Variants in B3GLCT observed in about 807,000 individuals in gnomAD.
B3GLCT encodes the protein beta 3-glucosyltransferase.
A neutral mutation model predicts 63.4 loss-of-function variants in B3GLCT; 65 were observed. The ratio of observed to expected loss-of-function variants is 1.03; its 90% confidence interval spans 0.84 to 1.26. B3GLCT has a LOEUF of 1.26. B3GLCT is among the 50% of genes most tolerant of loss of function. B3GLCT has a pLI of 0.00. For missense variants in B3GLCT, 577 were observed against 604.8 expected (o/e 0.95, Z 0.48); for synonymous variants, 233 against 219.2 (o/e 1.06, Z -0.55).
In B3GLCT at chr13:31,200,492, C is replaced by T. The variant is rs530869561; in HGVS notation, c.70+338C>T. Among the ~76,000 whole-genome samples, 7 of 150,264 alleles carry T rather than the reference C, an allele frequency of 4.7e-5. No individual in the cohort carries two copies. In the South Asian group the frequency reaches 1.4e-3, roughly 31 times the overall value. Reference sequence around the variant, plus strand: ...GGCGAGGGCGCAGCAGCCGCCCCCACAGGAAGCGCGCAGGAACTGTGCCAC... The same window carrying T: ...GGCGAGGGCGCAGCAGCCGCCCCCATAGGAAGCGCGCAGGAACTGTGCCAC... On this transcript the variant is annotated intron_variant, in intron 1 of 14. Coordinates refer to ENST00000343307, the MANE Select transcript of B3GLCT (RefSeq NM_194318.4).
chr13:31,278,131 G>C (rs933459642), intron 10 of B3GLCT, among the ~76,000 whole-genome samples: 5 of 152,066 alleles, frequency 3.3e-5, no homozygotes, highest in African/African-American at 1.2e-4. Context: ...GCTACACTTG[G>C]AGTAGTGATT....
intron 1 of B3GLCT, among the ~76,000 whole-genome samples, chr13:31,202,262 C>T (rs1292666126): frequency 6.6e-6 from 1 of 152,014 alleles, no homozygotes; most frequent in Non-Finnish European, 1.5e-5. Flanking sequence ...TCTTTTAAAC[C>T]CACATGCATA....
At chr13:31,201,402 GTAAT>G (rs796432490) in intron 1 of B3GLCT, among the ~76,000 whole-genome samples, 74 of 152,328 alleles carry the variant, frequency 4.9e-4, no homozygotes, top group African/African-American at 1.7e-3. Flanking sequence ...AGGCAGCAGT[GTAAT>G]TAAAAATATT....
At position 31,200,144 on chromosome 13, in the gene B3GLCT, C is replaced by A; in HGVS notation, c.60C>A (p.Thr20=). 7.4e-7 allele frequency: 1 copy of A among 1,358,408 alleles called. No individual in the cohort carries two copies. The highest frequency in any genetic ancestry group is 9.6e-7 in the Non-Finnish European group (1 of 1,045,200). 84.1% of individuals were successfully genotyped at this position (1,358,408 alleles called of 1,614,324 possible). The change falls in exon 1 of 15, where the codon ACC becomes ACA. Residue 20 remains threonine, a synonymous_variant. Transcript: ENST00000343307. ...LAPPALLALL[T]CSLAFGLASE... ...CGCCGGCGCTGCTCGCGCTCCTCAC[C>A]TGCTCCCTGGGTAAGTAGCGGGCGG...
chr13:31,240,720 T>C (rs1870899129), intron 4 of B3GLCT, among the ~76,000 whole-genome samples: 1 of 152,174 alleles, frequency 6.6e-6, no homozygotes, highest in Admixed American at 6.5e-5. Flanking sequence ...AACTTTTCTT[T>C]TGAAGTGAAA....
In B3GLCT at chr13:31,200,011, C is replaced by T. The variant is rs1390885964; in HGVS notation, c.-74C>T. The stretch of plus-strand genomic sequence containing the variant: ...AGCCGCGGCGGCAGGGCGGCGGCGG[C>T]AGCGGCGCAGCTCCGCTCCCCGCGC... On this transcript the variant is annotated 5_prime_UTR_variant, in exon 1 of 15. Coordinates refer to ENST00000343307, the MANE Select transcript of B3GLCT (RefSeq NM_194318.4). The T allele has an allele frequency of 4.5e-5, 42 of 928,406 alleles. No individual in the cohort carries two copies. Among genetic ancestry groups the T allele is most frequent in the Non-Finnish European group, 5.1e-5 (37 of 729,232 alleles). 57.5% of individuals were successfully genotyped at this position (928,406 alleles called of 1,614,324 possible).
intron 12 of B3GLCT, among the ~76,000 whole-genome samples, chr13:31,292,566 C>A (rs1047552785): frequency 2.0e-5 from 3 of 152,108 alleles, no homozygotes; most frequent in Non-Finnish European, 4.4e-5. Flanking sequence ...GGAATTTATC[C>A]ATTTCTTCTA....
intron 6 of B3GLCT, among the ~76,000 whole-genome samples, chr13:31,250,533 C>T (rs964948104): frequency 4.6e-5 from 7 of 152,202 alleles, no homozygotes; most frequent in South Asian, 2.1e-4. Flanking sequence ...TTCTGAGGGG[C>T]GTCCGCCATT....
intron 10 of B3GLCT, among the ~76,000 whole-genome samples, chr13:31,282,471 C>G (rs1324209906): frequency 2.0e-5 from 3 of 151,946 alleles, no homozygotes; most frequent in African/African-American, 7.3e-5. Context: ...AACCCTGTCT[C>G]TACTAAAAAA....
chr13:31,221,406 T>TA (rs1422277022), intron 2 of B3GLCT, among the ~76,000 whole-genome samples: 3 of 152,188 alleles, frequency 2.0e-5, no homozygotes, highest in Non-Finnish European at 4.4e-5. Context: ...CATGCTGACT[T>TA]ACGGTGATAA....
At position 31,281,209 on chromosome 13, in the gene B3GLCT, G is replaced by T. The variant is rs530348673; in HGVS notation, c.851-3439G>T. Among the ~76,000 whole-genome samples the T allele has an allele frequency of 8.5e-5, 13 of 152,212 alleles. No individual in the cohort carries two copies. The South Asian group carries it at 2.5e-3, about 29-fold the overall frequency. ...AATTAAAGAGGTTAAATTGCCGTTT[G>T]CTCAGCCTTTAGTTCCTTTCCACAG... On this transcript the variant is annotated intron_variant, in intron 10 of 14. Coordinates refer to ENST00000343307, the MANE Select transcript of B3GLCT (RefSeq NM_194318.4).
chr13:31,326,222 C>G (rs1033862427), intron 14 of B3GLCT, among the ~76,000 whole-genome samples: 8 of 150,992 alleles, frequency 5.3e-5, no homozygotes, highest in African/African-American at 1.9e-4. Flanking sequence ...TTAGTGTGCT[C>G]CAGTATTTAC....
At chr13:31,275,324 A>G (rs919588405) in intron 9 of B3GLCT, among the ~76,000 whole-genome samples, 2 of 152,248 alleles carry the variant, frequency 1.3e-5, no homozygotes, top group Non-Finnish European at 2.9e-5. Context: ...TTATGGCTAC[A>G]CAGCTAGTAG....
intron 6 of B3GLCT, among the ~76,000 whole-genome samples, chr13:31,249,721 TAAA>T (rs767816882): frequency 7.3e-5 from 11 of 151,378 alleles, no homozygotes; most frequent in Admixed American, 7.2e-4. Context: ...CTGCCATGTG[TAAA>T]AAAAAACCAT....
chr13:31,200,039 C>A lies in B3GLCT; in HGVS notation c.-46C>A. On this transcript the variant is annotated 5_prime_UTR_variant, in exon 1 of 15. Coordinates refer to ENST00000343307, the MANE Select transcript of B3GLCT (RefSeq NM_194318.4). Reference sequence around the variant, plus strand: ...CGGCGCAGCTCCGCTCCCCGCGCGTCTCCCTTCCCCGCGCCCAGGTAGGGC... The same window carrying A: ...CGGCGCAGCTCCGCTCCCCGCGCGTATCCCTTCCCCGCGCCCAGGTAGGGC... The A allele has an allele frequency of 8.0e-7, 1 of 1,256,680 alleles. No homozygotes were observed. The allele number at this position is 1,256,680 out of a possible 1,614,324, so 77.8% of individuals were successfully genotyped here.
intron 4 of B3GLCT, among the ~76,000 whole-genome samples, chr13:31,238,379 A>G (rs1020529305): frequency 6.6e-6 from 1 of 152,206 alleles, no homozygotes; most frequent in African/African-American, 2.4e-5. Context: ...GGTCATTGTA[A>G]GTAGTCATTT....
At chr13:31,267,162 A>G (rs187525725) in intron 7 of B3GLCT, among the ~76,000 whole-genome samples, 12 of 152,384 alleles carry the variant, frequency 7.9e-5, no homozygotes, top group Admixed American at 6.5e-4. Flanking sequence ...TTGAAAAGCC[A>G]AAAAGATGGA....
chr13:31,213,090 C>T (rs115267780), intron 1 of B3GLCT, among the ~76,000 whole-genome samples: 1 of 152,012 alleles, frequency 6.6e-6, no homozygotes, highest in Admixed American at 6.6e-5. Context: ...TGCATTAGAT[C>T]CTGGTGAAAA....
intron 7 of B3GLCT, among the ~76,000 whole-genome samples, chr13:31,265,172 A>G (rs1450759523): frequency 6.6e-6 from 1 of 152,212 alleles, no homozygotes; most frequent in African/African-American, 2.4e-5. Flanking sequence ...TTGCGCAGGA[A>G]TTTCATTGAT....
Sources: gnomAD v4.1 joint callset for allele counts (sites outside exome capture counted in the v4.1 genomes callset) on GRCh38, gnomAD v4.1.1 for gene constraint, MANE v1.5 for transcripts, NCBI Gene and HGNC (gene_info 2026-07-23, HGNC 2026-07-21) for gene names.